The following KCNT2 variants were observed in gnomAD, a reference collection of about 807,000 sequenced individuals.
KCNT2 encodes the protein potassium channel subfamily T member 2.
Under a neutral mutation model 153.8 loss-of-function variants are expected in KCNT2, and 67 were observed. That is an observed-to-expected ratio of 0.44 (90% confidence interval 0.36 to 0.53). The LOEUF is 0.53. KCNT2 is among the 20% of genes least tolerant of loss of function. The pLI is 0.00. For missense variants in KCNT2, 975 were observed against 1,354.8 expected, an observed-to-expected ratio of 0.72 and a Z score of 4.40; for synonymous variants, 500 against 458.8, an observed-to-expected ratio of 1.09 and a Z score of -1.15.
intron 21 of KCNT2, among the ~76,000 whole-genome samples, chr1:196,310,077 T>C (rs1190962719): frequency 6.6e-6 from 1 of 151,786 alleles, no homozygotes; most frequent in African/African-American, 2.4e-5. Context: ...CACAGGCTAC[T>C]GGGGGAACTC....
rs1660006295 is a variant in KCNT2 at position 196,289,670 on chromosome 1, AAT to A, written c.2596-3914_2596-3913del. On this transcript the variant is annotated intron_variant, in intron 22 of 27. Transcript: ENST00000294725. ...AGAATGTGAAGAATTGTAATGTCAC[AAT>A]ATGCAAAGCTTTTTTACTTTACTAT... 3.3e-5 allele frequency among the ~76,000 whole-genome samples: 5 copies of A among 152,124 alleles called. No individual in the cohort carries two copies. The South Asian group carries it at 8.3e-4, about 25-fold the overall frequency.
At chr1:196,465,442 A>T in intron 7 of KCNT2, 55 bp from the exon 8 acceptor site, 1 of 934,610 alleles carries the variant, frequency 1.1e-6, no homozygotes, top group East Asian at 2.4e-5. Context: ...AATATGCATG[A>T]GTTTCATTAC....
At chr1:196,436,163 A>G (rs1452074846) in intron 8 of KCNT2, among the ~76,000 whole-genome samples, 1 of 151,292 alleles carries the variant, frequency 6.6e-6, no homozygotes, top group African/African-American at 2.4e-5. Context: ...CCCATTATAG[A>G]GTACCTATAT....
chr1:196,327,668 CTTT>C (rs773639795), intron 18 of KCNT2, among the ~76,000 whole-genome samples: 3 of 127,838 alleles, frequency 2.3e-5, no homozygotes, highest in African/African-American at 3.3e-5. Context: ...ATATTCTGAT[CTTT>C]TTTTTTTTTT....
At chr1:196,514,079 G>A (rs1378932091) in intron 1 of KCNT2, among the ~76,000 whole-genome samples, 3 of 152,154 alleles carry the variant, frequency 2.0e-5, no homozygotes, top group Non-Finnish European at 4.4e-5. Context: ...TTCTTGCTAT[G>A]TGTCCCTCCA....
chr1:196,395,575 T>G (rs1490645494), intron 13 of KCNT2, among the ~76,000 whole-genome samples: 1 of 151,278 alleles, frequency 6.6e-6, no homozygotes, highest in Non-Finnish European at 1.5e-5. Context: ...CATGAGGGGG[T>G]TGTTTCTCAT....
intron 16 of KCNT2, among the ~76,000 whole-genome samples, chr1:196,335,097 C>G (rs1664888969): frequency 1.3e-5 from 2 of 152,066 alleles, no homozygotes; most frequent in Non-Finnish European, 2.9e-5. Context: ...GGTTCCTCTC[C>G]TTCTGGAGAA....
chr1:196,427,333 C>G (rs1011246246), intron 10 of KCNT2, among the ~76,000 whole-genome samples: 1 of 151,912 alleles, frequency 6.6e-6, no homozygotes, highest in Non-Finnish European at 1.5e-5. Flanking sequence ...AAAATATTCA[C>G]AAATCAATAT....
chr1:196,305,349 C>T lies in KCNT2; in HGVS notation c.2484-4G>A. The stretch of plus-strand genomic sequence containing the variant: ...AATACTGAGACTGGAAAACAACCTA[C>T]ATTTCAAAAGAACATTTGCATTACA... On this transcript the variant is annotated splice_region_variant and splice_polypyrimidine_tract_variant and intron_variant, in intron 21 of 27. Coordinates refer to ENST00000294725, the MANE Select transcript of KCNT2 (RefSeq NM_198503.5). The T allele has an allele frequency of 1.3e-6, 2 of 1,516,528 alleles. No homozygotes were observed. Among genetic ancestry groups the T allele is most frequent in the Non-Finnish European group, 9.2e-7 (1 of 1,092,698 alleles). 93.9% of individuals were successfully genotyped at this position (1,516,528 alleles called of 1,614,324 possible). A position where few individuals can be genotyped will look rare whatever the true frequency, so the allele number is the denominator to read the frequency against.
At chr1:196,366,014 AT>A (rs1227011501) in intron 14 of KCNT2, among the ~76,000 whole-genome samples, 1 of 152,136 alleles carries the variant, frequency 6.6e-6, no homozygotes, top group Non-Finnish European at 1.5e-5. Flanking sequence ...CCAAATTTGT[AT>A]GTTCATCAAC....
chr1:196,601,529 C>G (rs1029122566), intron 1 of KCNT2, among the ~76,000 whole-genome samples: 1 of 152,184 alleles, frequency 6.6e-6, no homozygotes. Flanking sequence ...AGGGTTTCTG[C>G]AGGCTATCAT....
At chr1:196,420,004 T>C (rs146551163) in intron 12 of KCNT2, among the ~76,000 whole-genome samples, 1 of 152,152 alleles carries the variant, frequency 6.6e-6, no homozygotes. Context: ...CTTTCTTAAA[T>C]TCCTACTATA....
intron 1 of KCNT2, among the ~76,000 whole-genome samples, chr1:196,566,358 AT>A (rs1185749867): frequency 1.3e-5 from 2 of 152,082 alleles, no homozygotes; most frequent in East Asian, 3.9e-4. Flanking sequence ...TGGTTTTTGA[AT>A]GTTAAGTTGC....
In KCNT2 at chr1:196,437,393, C is replaced by T. The variant is rs1427336118; in HGVS notation, c.639-7636G>A. Among the ~76,000 whole-genome samples the T allele has an allele frequency of 2.2e-5, 3 of 133,376 alleles. No homozygotes were observed. The East Asian group carries it at 6.6e-4, about 29-fold the overall frequency. The allele number at this position is 133,376 out of a possible 152,430, so 87.5% of individuals were successfully genotyped here. ...ATATATTTTTATTTATATATATACA[C>T]AAATTTTATATATATATATAAGTTT... On this transcript the variant is annotated intron_variant, in intron 8 of 27. Transcript: ENST00000294725.
intron 12 of KCNT2, among the ~76,000 whole-genome samples, chr1:196,416,855 T>A (rs1672797384): frequency 6.6e-6 from 1 of 152,050 alleles, no homozygotes; most frequent in African/African-American, 2.4e-5. Context: ...TGCTATGAAA[T>A]AGTAGGTCTT....
At chr1:196,588,619 C>T (rs1286927855) in intron 1 of KCNT2, among the ~76,000 whole-genome samples, 1 of 151,812 alleles carries the variant, frequency 6.6e-6, no homozygotes, top group Non-Finnish European at 1.5e-5. Flanking sequence ...TTCCCAATGA[C>T]ACAAATCTAC....
At chr1:196,304,089 T>C (rs763186855) in intron 22 of KCNT2, among the ~76,000 whole-genome samples, 1 of 152,048 alleles carries the variant, frequency 6.6e-6, no homozygotes, top group Non-Finnish European at 1.5e-5. Context: ...TTTCCACATC[T>C]GGAAGCAGGG....
At chr1:196,582,752 G>C (rs1007923845) in intron 1 of KCNT2, among the ~76,000 whole-genome samples, 2 of 151,978 alleles carry the variant, frequency 1.3e-5, no homozygotes, top group Admixed American at 6.6e-5. Context: ...TGATGCATCA[G>C]GCAAGGATAC....
intron 1 of KCNT2, among the ~76,000 whole-genome samples, chr1:196,528,330 C>G (rs1654517914): frequency 6.6e-6 from 1 of 152,126 alleles, no homozygotes; most frequent in Non-Finnish European, 1.5e-5. Flanking sequence ...GAGAAATGGT[C>G]TTTTGATACA....
Sources: allele counts gnomAD v4.1 joint callset (sites outside exome capture counted in the v4.1 genomes callset), GRCh38; gene constraint gnomAD v4.1.1; transcripts MANE v1.5; gene names NCBI Gene and HGNC (gene_info 2026-07-23, HGNC 2026-07-21).